Variants in RBM33 observed in about 807,000 individuals in gnomAD.
The protein encoded by RBM33 is RNA binding motif protein 33.
In RBM33, 28 loss-of-function variants were observed where a neutral mutation model predicts 132.6. That is an observed-to-expected ratio of 0.21 (90% CI 0.16 to 0.29). The LOEUF is 0.29. Ranked by LOEUF, RBM33 falls within the 10% of genes least tolerant of loss-of-function variation. The probability of loss-of-function intolerance (pLI) is 1.00; values close to 1 mark genes in which losing one functional copy is unlikely to be tolerated. For synonymous variants in RBM33, 634 were observed against 593.0 expected (o/e 1.07, Z -1.01); for missense variants, 1,291 against 1,518.5 (o/e 0.85, Z 2.49).
intron 1 of RBM33, among the ~76,000 whole-genome samples, chr7:155,656,433 A>G (rs909697557): frequency 6.6e-6 from 1 of 152,204 alleles, no homozygotes; most frequent in African/African-American, 2.4e-5. Flanking sequence ...GTCTTTAAGA[A>G]GTGGCCACTT....
chr7:155,698,264 G>C (rs1799855547), intron 5 of RBM33, among the ~76,000 whole-genome samples: 1 of 152,134 alleles, frequency 6.6e-6, no homozygotes, highest in African/African-American at 2.4e-5. Flanking sequence ...CTACTCGGGA[G>C]GCTGAAGCAG....
At chr7:155,746,817 C>G (rs1210926429) in intron 14 of RBM33, among the ~76,000 whole-genome samples, 2 of 152,192 alleles carry the variant, frequency 1.3e-5, no homozygotes, top group African/African-American at 2.4e-5. Context: ...TAAACATAGG[C>G]TTCTAGAGTA....
At chr7:155,762,935 T>G (rs1054039295) in intron 14 of RBM33, among the ~76,000 whole-genome samples, 9 of 152,226 alleles carry the variant, frequency 5.9e-5, no homozygotes, top group Admixed American at 5.9e-4. Context: ...TGCTGTTCTT[T>G]CCCAGCCTTC....
intron 12 of RBM33, among the ~76,000 whole-genome samples, chr7:155,741,031 T>C (rs1361443777): frequency 6.6e-6 from 1 of 152,248 alleles, no homozygotes; most frequent in Non-Finnish European, 1.5e-5. Flanking sequence ...TTTCCTGATA[T>C]TTGCCTCTTT....
intron 11 of RBM33, 31 bp downstream of exon 11, chr7:155,738,434 A>G (rs781314067): frequency 6.4e-7 from 1 of 1,568,634 alleles, no homozygotes; most frequent in African/African-American, 1.4e-5. Flanking sequence ...CTCCAGGGAA[A>G]AAATGTGTAG....
chr7:155,680,490 A>G (rs980094554), intron 4 of RBM33, 100 bp from the exon 5 acceptor site: 1 of 851,010 alleles, frequency 1.2e-6, no homozygotes, highest in East Asian at 2.7e-5. Flanking sequence ...ACTTTTTATC[A>G]GTCATGGTTT....
chr7:155,766,619 G>A lies in RBM33; in HGVS notation c.3339G>A (p.Gln1113=), dbSNP rs142272814. The A allele has an allele frequency of 2.5e-6, 4 of 1,612,316 alleles. No individual in the cohort carries two copies. In the African/African-American group the frequency reaches 4.0e-5, roughly 16 times the overall value. The change falls in exon 16 of 18, where the codon CAG becomes CAA. Residue 1113 remains glutamine (Q), a synonymous_variant. Coordinates refer to ENST00000401878, the MANE Select transcript of RBM33 (RefSeq NM_053043.3). ...TGTCCTCGTCCACCACGGATGCCCA[G>A]CTGAAGAGCCTGCTGATGTCAGTGG... ...EGLSSSTTDA[Q]LKSLLMSVGP... is the part of the protein sequence containing the mutation.
intron 15 of RBM33, 95 bp from the exon 16 acceptor site, chr7:155,766,372 A>G: frequency 2.2e-6 from 3 of 1,357,356 alleles, no homozygotes; most frequent in Non-Finnish European, 3.0e-6. Flanking sequence ...GTATATTTTA[A>G]TGGATTCTAA....
chr7:155,685,100 C>A, intron 5 of RBM33: 2 of 1,533,674 alleles, frequency 1.3e-6, no homozygotes, highest in Non-Finnish European at 1.8e-6. Context: ...TGTTTCCCTC[C>A]CCCAGACTTA....
chr7:155,762,582 C>T (rs972120754), intron 14 of RBM33, among the ~76,000 whole-genome samples: 13 of 152,294 alleles, frequency 8.5e-5, no homozygotes, highest in African/African-American at 2.9e-4. Flanking sequence ...GTCCCTGTTT[C>T]TTTGTACAGT....
At chr7:155,644,972 G>A (rs1798136283) in intron 1 of RBM33, 53 bp downstream of exon 1, 13 of 1,395,654 alleles carry the variant, frequency 9.3e-6, no homozygotes, top group Non-Finnish European at 1.2e-5. Context: ...GGTGGGCGGG[G>A]GTGTAGGCCG....
At chr7:155,673,793 CACACACA>C (rs1799073531) in intron 3 of RBM33, among the ~76,000 whole-genome samples, 1 of 144,094 alleles carries the variant, frequency 6.9e-6, no homozygotes, top group Admixed American at 6.8e-5. Context: ...CACACACACA[CACACACA>C]CCCCTACCAG....
intron 5 of RBM33, among the ~76,000 whole-genome samples, chr7:155,682,025 A>G (rs769445671): frequency 1.3e-5 from 2 of 151,996 alleles, no homozygotes; most frequent in Non-Finnish European, 2.9e-5. Context: ...GGTTCAAACA[A>G]TTCTCCTGCC....
At chr7:155,695,683 A>G (rs950407339) in intron 5 of RBM33, among the ~76,000 whole-genome samples, 3 of 151,702 alleles carry the variant, frequency 2.0e-5, no homozygotes, top group Non-Finnish European at 4.4e-5. Flanking sequence ...CTGGTCTTGA[A>G]CTCCTGACCT....
At chr7:155,668,651 G>A (rs1447204330) in intron 2 of RBM33, among the ~76,000 whole-genome samples, 1 of 152,104 alleles carries the variant, frequency 6.6e-6, no homozygotes, top group Non-Finnish European at 1.5e-5. Context: ...AAACTAGTTC[G>A]TTCTTGAGGT....
In RBM33 at chr7:155,665,239, TGAG is replaced by T; in HGVS notation, c.111_113del (p.Glu37del). 1 of 1,613,858 alleles carries T rather than the reference TGAG, an allele frequency of 6.2e-7. No homozygotes were observed. The highest frequency in any genetic ancestry group is 8.5e-7 in the Non-Finnish European group (1 of 1,179,772). ...GGTCGTGGAGAAGAAGAGCTGCTGATGAGGACTGGGACAGGTACGTGCACCCTG... is the reference window on the plus strand; with the variant it reads ...GGTCGTGGAGAAGAAGAGCTGCTGATGACTGGGACAGGTACGTGCACCCTG... On this transcript the variant is annotated inframe_deletion, in exon 2 of 18. Coordinates refer to ENST00000401878, the MANE Select transcript of RBM33 (RefSeq NM_053043.3).
rs71881256 is a variant in RBM33, at chr7:155,675,293, CAAAAAAAAAA to C, written c.171+2391_171+2400del. On this transcript the variant is annotated intron_variant, in intron 3 of 17. Coordinates refer to ENST00000401878, the MANE Select transcript of RBM33 (RefSeq NM_053043.3). ...TGGGAGACGGAGTGAGACTCCGTCT[CAAAAAAAAAA>C]AAAAAAAAAAAAGAATTATAGATAT... 1.1e-3 allele frequency among the ~76,000 whole-genome samples: 137 copies of C among 128,804 alleles called. 1 individual carries two copies. The highest frequency in any genetic ancestry group is 4.4e-3 in the East Asian group (20 of 4,506). 84.5% of individuals were successfully genotyped at this position (128,804 alleles called of 152,430 possible).
intron 1 of RBM33, among the ~76,000 whole-genome samples, chr7:155,651,793 A>AT (rs1798363182): frequency 6.6e-6 from 1 of 152,176 alleles, no homozygotes; most frequent in African/African-American, 2.4e-5. Context: ...ATTATGATTG[A>AT]TTTTTAAACC....
chr7:155,694,045 G>A (rs778314949), intron 5 of RBM33, among the ~76,000 whole-genome samples: 6 of 152,124 alleles, frequency 3.9e-5, no homozygotes, highest in Middle Eastern at 3.2e-3. Context: ...GTTGCCGCAC[G>A]CTTTGGTCTG....
Sources: allele counts gnomAD v4.1 joint callset (sites outside exome capture counted in the v4.1 genomes callset), GRCh38; gene constraint gnomAD v4.1.1; transcripts MANE v1.5; gene names NCBI Gene and HGNC (gene_info 2026-07-23, HGNC 2026-07-21).